USP10: variants seen among roughly 807,000 people sequenced by gnomAD.
USP10 encodes ubiquitin carboxyl-terminal hydrolase 10.
Under a neutral mutation model 84.5 loss-of-function variants are expected in USP10, and 22 were observed. That is an observed-to-expected ratio of 0.26 (90% CI 0.19 to 0.37). USP10 has a LOEUF of 0.37. USP10 is among the 10% of genes least tolerant of loss of function. The pLI, the probability that USP10 is intolerant of heterozygous loss-of-function variation, is 1.00. For missense variants in USP10, 1,019 were observed against 998.9 expected (o/e 1.02, Z -0.27); for synonymous variants, 454 against 387.6 (o/e 1.17, Z -2.01).
At chr16:84,730,353 A>G (rs144746688) in intron 1 of USP10, among the ~76,000 whole-genome samples, 2,418 of 152,022 alleles carry the variant, frequency 0.016, 22 homozygotes, top group Non-Finnish European at 0.026. Flanking sequence ...TCTGTACCTA[A>G]AGTTCTTCCT....
chr16:84,711,913 T>C (rs774599561), intron 1 of USP10, among the ~76,000 whole-genome samples: 3 of 151,682 alleles, frequency 2.0e-5, no homozygotes, highest in African/African-American at 4.9e-5. Context: ...AGAGACGGGG[T>C]TTCACCATGT....
At chr16:84,700,482 G>A (rs905519368) in intron 1 of USP10, among the ~76,000 whole-genome samples, 4 of 152,138 alleles carry the variant, frequency 2.6e-5, no homozygotes, top group Middle Eastern at 6.8e-3. Context: ...GGGGGCTCCG[G>A]GAGTCCCCTG....
rs933363012 is a variant in USP10, at chr16:84,704,969, C to T, written c.21+4858C>T. ...GTTAGGAGAATGTGCATGTGGAGTG[C>T]GGGCCCAGCACCTGCTACCGTCTGC... On this transcript the variant is annotated intron_variant, in intron 1 of 13. Transcript: ENST00000219473. The T allele has an allele frequency of 1.4e-5, 20 of 1,464,190 alleles. No homozygotes were observed. In the Middle Eastern group the frequency reaches 5.7e-4, roughly 42 times the overall value. The allele number at this position is 1,464,190 out of a possible 1,614,324, so 90.7% of individuals were successfully genotyped here.
intron 3 of USP10, among the ~76,000 whole-genome samples, chr16:84,741,494 G>A (rs1337344609): frequency 6.6e-6 from 1 of 152,190 alleles, no homozygotes; most frequent in Non-Finnish European, 1.5e-5. Flanking sequence ...GCCCCATGAT[G>A]TTCCCATGCA....
At chr16:84,734,884 T>TCATTGGGA (rs1242592635) in intron 2 of USP10, among the ~76,000 whole-genome samples, 1 of 152,124 alleles carries the variant, frequency 6.6e-6, no homozygotes, top group Non-Finnish European at 1.5e-5. Context: ...TCCTCACCAT[T>TCATTGGGA]CATTGGGAAC....
chr16:84,720,058 C>A (rs1264896020), intron 1 of USP10, among the ~76,000 whole-genome samples: 1 of 152,226 alleles, frequency 6.6e-6, no homozygotes, highest in African/African-American at 2.4e-5. Flanking sequence ...TTGATCTTAA[C>A]ACCGGAAGGA....
chr16:84,776,439 A>G (rs1915032532), intron 13 of USP10, among the ~76,000 whole-genome samples: 3 of 152,006 alleles, frequency 2.0e-5, no homozygotes, highest in South Asian at 4.2e-4. Flanking sequence ...CCCGATCACA[A>G]TTCCTCCTCA....
chr16:84,763,389 C>G (rs1178126982), intron 9 of USP10, among the ~76,000 whole-genome samples: 1 of 152,162 alleles, frequency 6.6e-6, no homozygotes, highest in Non-Finnish European at 1.5e-5. Context: ...AACATATTTT[C>G]TGATGCTATA....
At chr16:84,735,656 A>G (rs1000010798) in intron 2 of USP10, among the ~76,000 whole-genome samples, 13 of 152,206 alleles carry the variant, frequency 8.5e-5, no homozygotes, top group African/African-American at 2.9e-4. Context: ...AAGGGTACAG[A>G]TGGTAAGTTA....
At chr16:84,754,113 A>G (rs1490068455) in intron 4 of USP10, among the ~76,000 whole-genome samples, 1 of 152,078 alleles carries the variant, frequency 6.6e-6, no homozygotes, top group East Asian at 1.9e-4. Flanking sequence ...CTGTCCAGAG[A>G]AGGAGGCACA....
At chr16:84,772,389 G>T (rs917576295) in intron 11 of USP10, among the ~76,000 whole-genome samples, 152 bp from the exon 12 acceptor site, 8 of 152,176 alleles carry the variant, frequency 5.3e-5, no homozygotes, top group African/African-American at 1.4e-4. Flanking sequence ...GTAGATCTCA[G>T]AGCTTCTGTG....
chr16:84,749,038 T>C (rs1911585657), intron 4 of USP10, among the ~76,000 whole-genome samples: 1 of 152,232 alleles, frequency 6.6e-6, no homozygotes, highest in Non-Finnish European at 1.5e-5. Context: ...TTGTTGAGGC[T>C]TCGATAGACA....
Position 84,702,993 on chromosome 16 carries a change from C to CAAA in USP10, c.21+2900_21+2902dup, listed in dbSNP as rs1157728872. ...GGGCGACAGAGCAAGACTCCCGTCT[C>CAAA]AAAAAAAAAAAAAAAAAAAAGAGCG... On this transcript the variant is annotated intron_variant, in intron 1 of 13. Coordinates refer to ENST00000219473, the MANE Select transcript of USP10 (RefSeq NM_005153.3). Among the ~76,000 whole-genome samples, 404 of 52,126 alleles carry CAAA rather than the reference C, an allele frequency of 7.8e-3. 10 individuals carry two copies. Among genetic ancestry groups the CAAA allele is most frequent in the African/African-American group, 0.032 (375 of 11,654 alleles). The allele number at this position is 52,126 out of a possible 152,430, so 34.2% of individuals were successfully genotyped here. A position where few individuals can be genotyped will look rare whatever the true frequency, so the allele number is the denominator to read the frequency against.
chr16:84,726,634 A>T (rs1394460040), intron 1 of USP10, among the ~76,000 whole-genome samples: 1 of 152,116 alleles, frequency 6.6e-6, no homozygotes, highest in Non-Finnish European at 1.5e-5. Flanking sequence ...ATTTTTTTCC[A>T]CATCCTCTTG....
chr16:84,775,325 C>A, intron 13 of USP10, 100 bp downstream of exon 13: 2 of 1,194,994 alleles, frequency 1.7e-6, no homozygotes, highest in Non-Finnish European at 2.5e-6. Flanking sequence ...CGACCAGATG[C>A]TGTACTCAGG....
rs1911050699 is a variant in USP10 at position 84,745,086 on chromosome 16, C to T, written c.605C>T (p.Pro202Leu). Residue 202 changes from proline to leucine, a missense_variant, in exon 4 of 14, where the codon CCG becomes CTG. Coordinates refer to ENST00000219473, the MANE Select transcript of USP10 (RefSeq NM_005153.3). Reference protein sequence around the residue: ...EDAEFMGDMPPSVTPRTCNSP... With the variant: ...EDAEFMGDMPLSVTPRTCNSP... ...GCAGAATTTATGGGTGACATGCCCC[C>T]GTCAGTTACGCCCAGGACTTGTAAC... The T allele has an allele frequency of 1.1e-5, 17 of 1,613,506 alleles. No homozygotes were observed. Among genetic ancestry groups the T allele is most frequent in the Non-Finnish European group, 1.4e-5 (16 of 1,179,638 alleles).
Position 84,766,855 on chromosome 16 carries a change from A to C in USP10, c.1833-1338A>C, listed in dbSNP as rs574562288. 2.6e-5 allele frequency among the ~76,000 whole-genome samples: 4 copies of C among 152,350 alleles called. No homozygotes were observed. The South Asian group carries it at 8.3e-4, about 32-fold the overall frequency. On this transcript the variant is annotated intron_variant, in intron 10 of 13. Coordinates refer to ENST00000219473, the MANE Select transcript of USP10 (RefSeq NM_005153.3). The stretch of plus-strand genomic sequence containing the variant: ...AGGAACTTCTTTTCAGCCATTGTTA[A>C]GCATGATTCTTTATTCACACCAATT...
chr16:84,740,210 T>G, intron 2 of USP10, 99 bp from the exon 3 acceptor site: 1 of 1,062,084 alleles, frequency 9.4e-7, no homozygotes, highest in South Asian at 1.5e-5. Flanking sequence ...CAAAGTTGTA[T>G]GGATTAAGAG....
intron 1 of USP10, among the ~76,000 whole-genome samples, chr16:84,700,492 G>T (rs1040879088): frequency 1.3e-5 from 2 of 152,062 alleles, no homozygotes; most frequent in African/African-American, 4.8e-5. Flanking sequence ...GGAGTCCCCT[G>T]GAGCGCAGGG....
Sources: allele counts gnomAD v4.1 joint callset (sites outside exome capture counted in the v4.1 genomes callset), GRCh38; gene constraint gnomAD v4.1.1; transcripts MANE v1.5; gene names NCBI Gene and HGNC (gene_info 2026-07-23, HGNC 2026-07-21).